The following RALGPS2 variants were observed in gnomAD, a reference collection of about 807,000 sequenced individuals.
RALGPS2 encodes Ral GEF with PH domain and SH3 binding motif 2, also known as ras-specific guanine nucleotide-releasing factor RalGPS2.
In RALGPS2, 43 loss-of-function variants were observed where a neutral mutation model predicts 86.8. The observed-to-expected ratio is 0.50, with a 90% CI of 0.39 to 0.64. RALGPS2 has a LOEUF of 0.64. Ranked by LOEUF, RALGPS2 falls within the 30% of genes least tolerant of loss-of-function variation. The probability of loss-of-function intolerance (pLI) is 0.00; values close to 1 mark genes in which losing one functional copy is unlikely to be tolerated. For missense variants in RALGPS2, 536 were observed against 694.6 expected (o/e 0.77, Z 2.57); for synonymous variants, 243 against 231.3 (o/e 1.05, Z -0.46).
chr1:178,763,114 C>T (rs1219368671), intron 1 of RALGPS2, among the ~76,000 whole-genome samples: 2 of 152,086 alleles, frequency 1.3e-5, no homozygotes, highest in Admixed American at 6.5e-5. Context: ...GTCTTTTCCC[C>T]ATTGCTTGTT....
At chr1:178,905,005 T>C (rs1197734725) in intron 18 of RALGPS2, among the ~76,000 whole-genome samples, 1 of 152,190 alleles carries the variant, frequency 6.6e-6, no homozygotes, top group Non-Finnish European at 1.5e-5. Flanking sequence ...TTCCATTTAT[T>C]TGTGTCATCA....
rs1647246687 is a variant in RALGPS2 at position 178,920,277 on chromosome 1, A to G, written c.*3918A>G. The G allele has an allele frequency of 6.6e-6, 1 of 151,968 alleles. No homozygotes were observed. The highest frequency in any genetic ancestry group is 1.5e-5 in the Non-Finnish European group (1 of 67,876). 9.4% of individuals were successfully genotyped at this position (151,968 alleles called of 1,614,324 possible). A position where few individuals can be genotyped will look rare whatever the true frequency, so the allele number is the denominator to read the frequency against. Reference sequence around the variant, plus strand: ...TTTTTTTCCCTATTTGGAGGGTTCTAATGAAAGAGATCCAGGCATAAAAAC... The same window carrying G: ...TTTTTTTCCCTATTTGGAGGGTTCTGATGAAAGAGATCCAGGCATAAAAAC... On this transcript the variant is annotated 3_prime_UTR_variant, in exon 20 of 20. Transcript: ENST00000367635.
intron 4 of RALGPS2, among the ~76,000 whole-genome samples, chr1:178,786,797 A>G (rs545667440): frequency 1.3e-5 from 2 of 152,182 alleles, no homozygotes; most frequent in East Asian, 3.9e-4. Context: ...TGCTATATAC[A>G]AGTCTGTAGT....
At chr1:178,808,727 G>A (rs565679790) in intron 5 of RALGPS2, among the ~76,000 whole-genome samples, 2 of 152,194 alleles carry the variant, frequency 1.3e-5, no homozygotes, top group African/African-American at 2.4e-5. Flanking sequence ...TTGCTCATAC[G>A]TAGGGTTGTC....
At chr1:178,838,858 G>A (rs952371459) in intron 8 of RALGPS2, among the ~76,000 whole-genome samples, 10 of 152,164 alleles carry the variant, frequency 6.6e-5, no homozygotes, top group Non-Finnish European at 1.2e-4. Flanking sequence ...CAAGAACTAC[G>A]TGACACATGC....
rs1336281162 is a variant in RALGPS2, at chr1:178,765,347, G to A, written c.-83-11335G>A. 3.9e-5 allele frequency among the ~76,000 whole-genome samples: 6 copies of A among 152,140 alleles called. No individual in the cohort carries two copies. In the East Asian group the frequency reaches 1.2e-3, roughly 29 times the overall value. On this transcript the variant is annotated intron_variant, in intron 1 of 19. Coordinates refer to ENST00000367635, the MANE Select transcript of RALGPS2 (RefSeq NM_152663.5). ...AAATTTTAAAGCTGGGTGTCCAGGG[G>A]AGACTTCACATGTCGGCAGGTTCCG...
intron 4 of RALGPS2, among the ~76,000 whole-genome samples, chr1:178,803,843 G>A (rs1407001974): frequency 1.3e-5 from 2 of 152,064 alleles, no homozygotes; most frequent in African/African-American, 2.4e-5. Context: ...TATCTCAGTT[G>A]CTCAAAGCAG....
chr1:178,834,154 T>C (rs1215044665), intron 8 of RALGPS2, among the ~76,000 whole-genome samples: 1 of 152,174 alleles, frequency 6.6e-6, no homozygotes. Context: ...CTTTGTTAGG[T>C]GTTTGAATGA....
At chr1:178,852,594 A>G (rs1657246632) in intron 8 of RALGPS2, 3 of 1,403,534 alleles carry the variant, frequency 2.1e-6, no homozygotes, top group Non-Finnish European at 2.9e-6. Context: ...ACCTTTTTGA[A>G]AAGACTTTAG....
intron 16 of RALGPS2, among the ~76,000 whole-genome samples, chr1:178,896,677 G>T (rs111453130): frequency 1.4e-5 from 2 of 141,684 alleles, no homozygotes; most frequent in Non-Finnish European, 3.0e-5. Flanking sequence ...TGATCTCATT[G>T]TTCAATTCCC....
intron 5 of RALGPS2, among the ~76,000 whole-genome samples, chr1:178,809,009 A>T (rs1324215258): frequency 6.6e-6 from 1 of 151,968 alleles, no homozygotes; most frequent in Non-Finnish European, 1.5e-5. Flanking sequence ...ACCACGCCAG[A>T]CTAATTTAAA....
chr1:178,750,675 C>A (rs923942733), intron 1 of RALGPS2, among the ~76,000 whole-genome samples: 1 of 152,096 alleles, frequency 6.6e-6, no homozygotes, highest in Non-Finnish European at 1.5e-5. Flanking sequence ...TTTTGATGTT[C>A]GTATTTATAA....
chr1:178,877,379 A>T, intron 8 of RALGPS2, 119 bp from the exon 9 acceptor site: 1 of 1,405,768 alleles, frequency 7.1e-7, no homozygotes, highest in Non-Finnish European at 9.5e-7. Flanking sequence ...TAATAGCAAT[A>T]TATTTTAAAT....
At chr1:178,752,416 C>T (rs542455458) in intron 1 of RALGPS2, among the ~76,000 whole-genome samples, 48 of 151,944 alleles carry the variant, frequency 3.2e-4, no homozygotes, top group Admixed American at 5.2e-4. Flanking sequence ...CTCTCACTTC[C>T]CTCTCCCAAA....
intron 14 of RALGPS2, among the ~76,000 whole-genome samples, chr1:178,890,207 C>A (rs904402991): frequency 6.6e-6 from 1 of 151,786 alleles, no homozygotes; most frequent in Non-Finnish European, 1.5e-5. Flanking sequence ...AGTTGTGCTC[C>A]CTTCTCCTTC....
intron 1 of RALGPS2, among the ~76,000 whole-genome samples, chr1:178,765,307 G>T (rs932952760): frequency 2.0e-5 from 3 of 152,114 alleles, no homozygotes; most frequent in African/African-American, 7.2e-5. Context: ...TAAAGGGAAA[G>T]AGTACAGAAG....
In RALGPS2 at chr1:178,773,665, G is replaced by A. The variant is rs923817952; in HGVS notation, c.-83-3017G>A. On this transcript the variant is annotated intron_variant, in intron 1 of 19. Transcript: ENST00000367635. ...CAAAAAATTAGCCGGGCGTGGTGGCGGGCGCCTGTAGTCCCAGCTACTCAG... is the reference window on the plus strand; with the variant it reads ...CAAAAAATTAGCCGGGCGTGGTGGCAGGCGCCTGTAGTCCCAGCTACTCAG... Among the ~76,000 whole-genome samples the A allele has an allele frequency of 5.3e-5, 8 of 151,708 alleles. No homozygotes were observed. The South Asian group carries it at 8.3e-4, about 16-fold the overall frequency.
chr1:178,904,390 A>T (rs1660307677), intron 18 of RALGPS2, among the ~76,000 whole-genome samples: 1 of 151,872 alleles, frequency 6.6e-6, no homozygotes, highest in African/African-American at 2.4e-5. Flanking sequence ...TTTTTATTGC[A>T]TTTGCTTTTG....
intron 8 of RALGPS2, among the ~76,000 whole-genome samples, chr1:178,863,950 ATG>A (rs1658210550): frequency 6.6e-6 from 1 of 152,136 alleles, no homozygotes. Flanking sequence ...TATATGTTTT[ATG>A]TCCTGCCTTT....
Sources: gnomAD v4.1 joint callset for allele counts (sites outside exome capture counted in the v4.1 genomes callset) on GRCh38, gnomAD v4.1.1 for gene constraint, MANE v1.5 for transcripts, NCBI Gene and HGNC (gene_info 2026-07-23, HGNC 2026-07-21) for gene names.